The following PTPRK variants were observed in gnomAD, a reference collection of about 807,000 sequenced individuals.
PTPRK encodes protein tyrosine phosphatase receptor type K.
A neutral mutation model predicts 178.0 loss-of-function variants in PTPRK; 75 were observed. The observed-to-expected ratio is 0.42, with a 90% CI of 0.35 to 0.51. The LOEUF (loss-of-function observed/expected upper bound fraction) is 0.51. Among genes scored for constraint, PTPRK ranks in the 20% least tolerant of loss-of-function variants. The probability of loss-of-function intolerance (pLI) is 0.02; values close to 1 mark genes in which losing one functional copy is unlikely to be tolerated. For synonymous variants in PTPRK, 637 were observed against 620.6 expected, an observed-to-expected ratio of 1.03 and a Z score of -0.39; for missense variants, 1,441 against 1,797.8, an observed-to-expected ratio of 0.80 and a Z score of 3.59.
At chr6:128,220,934 T>C (rs1583547739) in intron 5 of PTPRK, among the ~76,000 whole-genome samples, 1 of 152,224 alleles carries the variant, frequency 6.6e-6, no homozygotes, top group East Asian at 1.9e-4. Context: ...AATACTCCAC[T>C]ATAGCAACTT....
At chr6:128,050,723 A>G (rs1051890487) in intron 13 of PTPRK, among the ~76,000 whole-genome samples, 2 of 152,186 alleles carry the variant, frequency 1.3e-5, no homozygotes, top group African/African-American at 4.8e-5. Flanking sequence ...TTAAGTTTTT[A>G]TAGAAATAGG....
At chr6:128,237,915 T>C in intron 5 of PTPRK, 1 of 376,672 alleles carries the variant, frequency 2.7e-6, no homozygotes, top group Non-Finnish European at 5.1e-6. Context: ...TAATGATCAA[T>C]CTTATCTGGT....
At chr6:128,364,884 T>G (rs1835272427) in intron 2 of PTPRK, among the ~76,000 whole-genome samples, 1 of 152,074 alleles carries the variant, frequency 6.6e-6, no homozygotes, top group South Asian at 2.1e-4. Context: ...CCTTTTCCTG[T>G]CATCTTGTCT....
intron 7 of PTPRK, among the ~76,000 whole-genome samples, chr6:128,170,122 T>C (rs1253757957): frequency 1.3e-5 from 2 of 152,030 alleles, no homozygotes; most frequent in Non-Finnish European, 2.9e-5. Context: ...AATTTTAATT[T>C]TGAATAACAC....
intron 1 of PTPRK, among the ~76,000 whole-genome samples, chr6:128,408,000 T>A (rs1440217859): frequency 6.6e-6 from 1 of 152,226 alleles, no homozygotes; most frequent in Non-Finnish European, 1.5e-5. Context: ...AGCCATACCT[T>A]ATATTTTGAA....
chr6:128,309,491 G>A (rs1300852004), intron 3 of PTPRK, among the ~76,000 whole-genome samples: 2 of 152,104 alleles, frequency 1.3e-5, no homozygotes, highest in East Asian at 1.9e-4. Flanking sequence ...ACCAACGTTC[G>A]GACCCTACAC....
At chr6:128,197,050 C>A (rs1804977383) in intron 6 of PTPRK, among the ~76,000 whole-genome samples, 2 of 152,104 alleles carry the variant, frequency 1.3e-5, no homozygotes, top group Admixed American at 1.3e-4. Flanking sequence ...TACCATGTTT[C>A]TTTGGTATGA....
intron 3 of PTPRK, among the ~76,000 whole-genome samples, chr6:128,264,863 A>T (rs1818714434): frequency 6.6e-6 from 1 of 152,084 alleles, no homozygotes; most frequent in African/African-American, 2.4e-5. Context: ...AATAAATCTC[A>T]CGAGATCTGA....
Position 128,520,530 on chromosome 6 carries a change from A to T in PTPRK, c.-172T>A. 1.7e-6 allele frequency: 1 copy of T among 586,034 alleles called. No homozygotes were observed. 36.3% of individuals were successfully genotyped at this position (586,034 alleles called of 1,614,324 possible). A position where few individuals can be genotyped will look rare whatever the true frequency, so the allele number is the denominator to read the frequency against. On this transcript the variant is annotated 5_prime_UTR_variant, in exon 1 of 30. Transcript: ENST00000368226. ...GTCGCCAAACTACCTCAGGGGCGAA[A>T]GCGTCGCCAGCGTCGCCGGCCGGCC... is the stretch of plus-strand genomic sequence containing the variant.
At chr6:128,438,444 C>G (rs2128399062) in intron 1 of PTPRK, among the ~76,000 whole-genome samples, 1 of 152,330 alleles carries the variant, frequency 6.6e-6, no homozygotes, top group Admixed American at 6.5e-5. Flanking sequence ...CCAGGGCACA[C>G]AGAATTTTGA....
chr6:128,003,261 T>A, intron 15 of PTPRK: 148 of 1,006,260 alleles, frequency 1.5e-4, no homozygotes, highest in Middle Eastern at 4.3e-4. Flanking sequence ...CATGAAGGAA[T>A]ATATTGCTCT....
chr6:128,001,127 T>A (rs1278753318), intron 15 of PTPRK: 2 of 1,261,056 alleles, frequency 1.6e-6, no homozygotes, highest in Non-Finnish European at 1.1e-6. Flanking sequence ...TTATTATACA[T>A]TTAAGAATAA....
chr6:128,397,144 A>T (rs1267191258), intron 2 of PTPRK, among the ~76,000 whole-genome samples: 1 of 151,930 alleles, frequency 6.6e-6, no homozygotes, highest in Non-Finnish European at 1.5e-5. Context: ...GAAAGACACA[A>T]CCTCTCTCCT....
intron 13 of PTPRK, among the ~76,000 whole-genome samples, chr6:128,049,734 C>T (rs987271314): frequency 3.3e-5 from 5 of 152,238 alleles, no homozygotes; most frequent in African/African-American, 1.2e-4. Flanking sequence ...CAAATAATCG[C>T]AGTATAAATT....
intron 1 of PTPRK, among the ~76,000 whole-genome samples, chr6:128,398,514 G>A (rs575777189): frequency 3.3e-5 from 5 of 152,254 alleles, no homozygotes; most frequent in Admixed American, 3.3e-4. Flanking sequence ...GTGGTGAGAA[G>A]TAGAGGAAGA....
chr6:128,508,279 C>T (rs778955031), intron 1 of PTPRK, among the ~76,000 whole-genome samples: 8 of 152,186 alleles, frequency 5.3e-5, no homozygotes, highest in Non-Finnish European at 1.0e-4. Flanking sequence ...TGCCAGCATA[C>T]CCAAAACCTG....
chr6:128,336,680 T>C (rs977144109), intron 2 of PTPRK, among the ~76,000 whole-genome samples: 8 of 152,212 alleles, frequency 5.3e-5, no homozygotes, highest in African/African-American at 1.7e-4. Flanking sequence ...TCAAACATTT[T>C]CTTCTTCTAA....
chr6:128,381,196 AT>A (rs760211354), intron 2 of PTPRK, among the ~76,000 whole-genome samples: 2 of 152,188 alleles, frequency 1.3e-5, no homozygotes. Context: ...TCATTAGAAA[AT>A]TTTTTAATTA....
At position 128,338,822 on chromosome 6, in the gene PTPRK, G is replaced by A. The variant is rs147685968; in HGVS notation, c.224-16512C>T. Among the ~76,000 whole-genome samples the A allele has an allele frequency of 3.9e-4, 59 of 152,104 alleles. 1 individual carries two copies. In the East Asian group the frequency reaches 0.011, roughly 28 times the overall value. ...GGTGAGTGTTTTACTTCTTTCTGGG[G>A]CTATAAAAACTCATAAGGCAAGAGA... On this transcript the variant is annotated intron_variant, in intron 2 of 29. Coordinates refer to ENST00000368226, the MANE Select transcript of PTPRK (RefSeq NM_002844.4).
Sources: allele counts gnomAD v4.1 joint callset (sites outside exome capture counted in the v4.1 genomes callset), GRCh38; gene constraint gnomAD v4.1.1; transcripts MANE v1.5; gene names NCBI Gene and HGNC (gene_info 2026-07-23, HGNC 2026-07-21).